The following PLPP5 variants were observed in gnomAD, a reference collection of about 807,000 sequenced individuals.
The protein encoded by PLPP5 is phospholipid phosphatase 5, also known as diacylglycerol pyrophosphate like 1.
Under a neutral mutation model 23.6 loss-of-function variants are expected in PLPP5, and 29 were observed. That is an observed-to-expected ratio of 1.23 (90% CI 0.92 to 1.68). The LOEUF is 1.68. Among genes scored for constraint, PLPP5 ranks in the 40% most tolerant of loss-of-function variants. PLPP5 has a pLI of 0.00. For synonymous variants in PLPP5, 143 were observed against 131.3 expected, an observed-to-expected ratio of 1.09 and a Z score of -0.61; for missense variants, 315 against 332.1, an observed-to-expected ratio of 0.95 and a Z score of 0.40.
rs1808196555 is a variant in PLPP5, at chr8:38,268,884, A to G, written c.181T>C (p.Phe61Leu). The change falls in exon 2 of 7, where the codon TTT becomes CTT. Residue 61 changes from phenylalanine (F) to leucine (L), a missense_variant and splice_region_variant. Coordinates refer to ENST00000424479, the MANE Select transcript of PLPP5 (RefSeq NM_001102559.2). ...AAAGACGATCTTTCTCCACGCACAA[A>G]CATCGGCTTGGTGGGGAAATACTCC... ...EAEYFPTKPM[F>L]VIAFLSPLSL... is the part of the protein sequence containing the mutation. 15 of 1,552,600 alleles carry G rather than the reference A, an allele frequency of 9.7e-6. No homozygotes were observed. Among genetic ancestry groups the G allele is most frequent in the Non-Finnish European group, 1.3e-5 (15 of 1,153,248 alleles).
At position 38,268,881 on chromosome 8, in the gene PLPP5, C is replaced by CAA. The variant is rs1488349237; in HGVS notation, c.182_183dup (p.Val62LeufsTer11). On this transcript the variant is annotated frameshift_variant and splice_region_variant. Coordinates refer to ENST00000424479, the MANE Select transcript of PLPP5 (RefSeq NM_001102559.2). LOFTEE classifies it high-confidence loss of function. ...AGGAAAGACGATCTTTCTCCACGCA[C>CAA]AAACATCGGCTTGGTGGGGAAATAC... The CAA allele has an allele frequency of 2.6e-6, 4 of 1,550,956 alleles. No homozygotes were observed. Among genetic ancestry groups the CAA allele is most frequent in the Non-Finnish European group, 2.6e-6 (3 of 1,152,514 alleles).
In PLPP5 at chr8:38,267,370, GTAGAAGAAATCTGGGCGTGGCC is replaced by G; in HGVS notation, c.339-1_359del. On this transcript the variant is annotated splice_acceptor_variant and coding_sequence_variant, in exon 5 of 7. Coordinates refer to ENST00000424479, the MANE Select transcript of PLPP5 (RefSeq NM_001102559.2). LOFTEE classifies it high-confidence loss of function. ...GGGCTAGCCCATCAGGGAAGCAGCGGTAGAAGAAATCTGGGCGTGGCCTGGAAGAAAGCAGCATGGTTGGAAC... is the reference window on the plus strand; with the variant it reads ...GGGCTAGCCCATCAGGGAAGCAGCGGTGGAAGAAAGCAGCATGGTTGGAAC... 6.2e-7 allele frequency: 1 copy of G among 1,613,766 alleles called. No homozygotes were observed. The highest frequency in any genetic ancestry group is 1.1e-5 in the South Asian group (1 of 90,984).
chr8:38,264,097 T>C lies in PLPP5; in HGVS notation c.*347A>G, dbSNP rs1807242360. 1.0e-6 allele frequency: 1 copy of C among 994,428 alleles called. No individual in the cohort carries two copies. The highest frequency in any genetic ancestry group is 1.2e-6 in the Non-Finnish European group (1 of 836,158). 61.6% of individuals were successfully genotyped at this position (994,428 alleles called of 1,614,324 possible). ...AAAAAGGCTAGAATTTCTTGTCTTG[T>C]GCATGGTCCGGTTAGGAGGGCTAGT... On this transcript the variant is annotated 3_prime_UTR_variant, in exon 7 of 7. Coordinates refer to ENST00000424479, the MANE Select transcript of PLPP5 (RefSeq NM_001102559.2).
At chr8:38,268,716 C>T (rs1394129909) in intron 2 of PLPP5, 166 bp downstream of exon 2, 5 of 1,433,550 alleles carry the variant, frequency 3.5e-6, no homozygotes, top group Non-Finnish European at 4.6e-6. Context: ...ACCCTCCTCT[C>T]TCAATCAGGA....
intron 3 of PLPP5, 94 bp downstream of exon 3, chr8:38,268,277 A>T: frequency 8.4e-7 from 1 of 1,196,674 alleles, no homozygotes; most frequent in Non-Finnish European, 1.2e-6. Context: ...TGCAGAACTC[A>T]GTGGCCTCCA....
In PLPP5 at chr8:38,268,381, T is replaced by C; in HGVS notation, c.264A>G (p.Gln88=). The change falls in exon 3 of 7, where the codon CAA becomes CAG. Residue 88 remains glutamine (Q), a synonymous_variant. Transcript: ENST00000424479. ...AGGGCTAGCGCTCACCCAGGCAGGCTTGTCTGCTGTCTCTTGTGTCTGCCT... is the reference window on the plus strand; with the variant it reads ...AGGGCTAGCGCTCACCCAGGCAGGCCTGTCTGCTGTCTCTTGTGTCTGCCT... ...LKKADTRDSR[Q]ACLAASLALA... 6.4e-7 allele frequency: 1 copy of C among 1,568,052 alleles called. No individual in the cohort carries two copies. The highest frequency in any genetic ancestry group is 8.6e-7 in the Non-Finnish European group (1 of 1,156,210).
intron 6 of PLPP5, among the ~76,000 whole-genome samples, chr8:38,265,784 T>TTA (rs1223452054): frequency 6.6e-6 from 1 of 152,230 alleles, no homozygotes; most frequent in African/African-American, 2.4e-5. Flanking sequence ...TTTGGTTTAA[T>TTA]TATAATTTTA....
At chr8:38,267,572 T>G in intron 4 of PLPP5, 181 bp from the exon 5 acceptor site, 2 of 744,590 alleles carry the variant, frequency 2.7e-6, no homozygotes, top group Non-Finnish European at 4.2e-6. Flanking sequence ...GCATTTAAAT[T>G]AGGGGAAAAA....
rs752466070 is a variant in PLPP5 at position 38,269,212 on chromosome 8, T to C, written c.-13A>G. 1.9e-5 allele frequency: 28 copies of C among 1,495,410 alleles called. No homozygotes were observed. The highest frequency in any genetic ancestry group is 6.5e-5 in the Admixed American group (3 of 46,274). 92.6% of individuals were successfully genotyped at this position (1,495,410 alleles called of 1,614,324 possible). ...CCGCCTTCCCCATCCGGCCGCGAGCTCCGAGCGACGCTGCGCTGACGTGGC... is the reference window on the plus strand; with the variant it reads ...CCGCCTTCCCCATCCGGCCGCGAGCCCCGAGCGACGCTGCGCTGACGTGGC... On this transcript the variant is annotated 5_prime_UTR_variant, in exon 1 of 7. Coordinates refer to ENST00000424479, the MANE Select transcript of PLPP5 (RefSeq NM_001102559.2).
intron 4 of PLPP5, chr8:38,267,615 C>T: frequency 1.6e-6 from 1 of 631,054 alleles, no homozygotes; most frequent in South Asian, 2.1e-5. Flanking sequence ...CTTTTTAGGG[C>T]AAACAGCAAA....
Position 38,264,394 on chromosome 8 carries a change from A to G in PLPP5, c.*50T>C, listed in dbSNP as rs1807272480. On this transcript the variant is annotated 3_prime_UTR_variant, in exon 7 of 7. Coordinates refer to ENST00000424479, the MANE Select transcript of PLPP5 (RefSeq NM_001102559.2). The stretch of plus-strand genomic sequence containing the variant: ...GTGATCCACCCTCCTCAGCCTCCCA[A>G]AGTGTTGGGATTACAGGCATGAGCC... 1 of 1,438,790 alleles carries G rather than the reference A, an allele frequency of 7.0e-7. No individual in the cohort carries two copies. The highest frequency in any genetic ancestry group is 1.4e-5 in the African/African-American group (1 of 70,356). The allele number at this position is 1,438,790 out of a possible 1,614,324, so 89.1% of individuals were successfully genotyped here.
chr8:38,268,957 G>A lies in PLPP5; in HGVS notation c.108C>T (p.Leu36=). 1.9e-6 allele frequency: 3 copies of A among 1,567,342 alleles called. No homozygotes were observed. Among genetic ancestry groups the A allele is most frequent in the Non-Finnish European group, 2.6e-6 (3 of 1,162,676 alleles). ...AGAGCCACATCTCCTCCGGCTGGAT[G>A]AGTCTCTGGAACGGGGGGAGCAGCT... ...VTELLPPFQR[L]IQPEEMWLYR... is the part of the protein sequence containing the mutation. Residue 36 remains leucine (L), a synonymous_variant, in exon 2 of 7, where the codon CTC becomes CTT. Transcript: ENST00000424479.
intron 6 of PLPP5, 89 bp from the exon 7 acceptor site, chr8:38,264,693 G>T (rs1807308779): frequency 7.0e-7 from 1 of 1,436,086 alleles, no homozygotes; most frequent in Admixed American, 2.7e-5. Context: ...GGCCCTCCAG[G>T]ATACTCTACT....
intron 2 of PLPP5, 168 bp downstream of exon 2, chr8:38,268,714 C>T: frequency 7.0e-7 from 1 of 1,433,484 alleles, no homozygotes; most frequent in Non-Finnish European, 9.1e-7. Flanking sequence ...ACACCCTCCT[C>T]TCTCAATCAG....
At chr8:38,268,500 A>C (rs1201174219) in intron 2 of PLPP5, 39 bp from the exon 3 acceptor site, 1 of 1,548,942 alleles carries the variant, frequency 6.5e-7, no homozygotes, top group Admixed American at 2.0e-5. Context: ...AATCCAAAAA[A>C]AAGCCACACT....
Position 38,264,156 on chromosome 8 carries a change from T to G in PLPP5, c.*288A>C. On this transcript the variant is annotated 3_prime_UTR_variant, in exon 7 of 7. Coordinates refer to ENST00000424479, the MANE Select transcript of PLPP5 (RefSeq NM_001102559.2). Reference sequence around the variant, plus strand: ...TCTCTATTGAGATAGATTCAATTTTTTTTTTTTTTGAGATGGGGTCTCACT... The same window carrying G: ...TCTCTATTGAGATAGATTCAATTTTGTTTTTTTTTGAGATGGGGTCTCACT... 1 of 1,041,034 alleles carries G rather than the reference T, an allele frequency of 9.6e-7. No homozygotes were observed. The highest frequency in any genetic ancestry group is 1.2e-6 in the Non-Finnish European group (1 of 866,056). The allele number at this position is 1,041,034 out of a possible 1,614,324, so 64.5% of individuals were successfully genotyped here. A position where few individuals can be genotyped will look rare whatever the true frequency, so the allele number is the denominator to read the frequency against.
At chr8:38,267,826 A>C in intron 4 of PLPP5, 71 bp downstream of exon 4, 1 of 1,420,260 alleles carries the variant, frequency 7.0e-7, no homozygotes, top group Non-Finnish European at 9.9e-7. Context: ...TGTGGTGGAC[A>C]CCATTAACCT....
intron 4 of PLPP5, 91 bp from the exon 5 acceptor site, chr8:38,267,482 T>G: frequency 6.7e-7 from 1 of 1,490,174 alleles, no homozygotes; most frequent in South Asian, 1.3e-5. Context: ...TGTTAACTAT[T>G]GGTCAAATAG....
rs903900006 is a variant in PLPP5 at position 38,269,203 on chromosome 8, GC to G, written c.-5del. ...CCGCCGCCGCCGCCTTCCCCATCCG[GC>G]CGCGAGCTCCGAGCGACGCTGCGCT... On this transcript the variant is annotated 5_prime_UTR_variant, in exon 1 of 7. Coordinates refer to ENST00000424479, the MANE Select transcript of PLPP5 (RefSeq NM_001102559.2). 4.7e-6 allele frequency: 7 copies of G among 1,498,372 alleles called. No homozygotes were observed. The African/African-American group carries it at 8.7e-5, about 19-fold the overall frequency. 92.8% of individuals were successfully genotyped at this position (1,498,372 alleles called of 1,614,324 possible).
Sources: allele counts gnomAD v4.1 joint callset (sites outside exome capture counted in the v4.1 genomes callset), GRCh38; gene constraint gnomAD v4.1.1; transcripts MANE v1.5; gene names NCBI Gene and HGNC (gene_info 2026-07-23, HGNC 2026-07-21).